The following HERC1 variants were observed in gnomAD, a reference collection of about 807,000 sequenced individuals.
HERC1 encodes the protein HECT and RLD domain containing E3 ubiquitin protein ligase family member 1, also known as probable E3 ubiquitin-protein ligase HERC1.
In HERC1, 160 loss-of-function variants were observed where a neutral mutation model predicts 554.3. The ratio of observed to expected loss-of-function variants is 0.29; its 90% CI spans 0.25 to 0.33. The LOEUF (loss-of-function observed/expected upper bound fraction) is 0.33. HERC1 is among the 10% of genes least tolerant of loss of function. HERC1 has a pLI of 1.00. For synonymous variants in HERC1, 2,175 were observed against 2,131.7 expected (o/e 1.02, Z -0.56); for missense variants, 4,919 against 5,918.5 (o/e 0.83, Z 5.54).
intron 45 of HERC1, 141 bp from the exon 46 acceptor site, chr15:63,661,166 C>T: frequency 1.6e-6 from 1 of 640,360 alleles, no homozygotes; most frequent in Middle Eastern, 3.3e-4. Context: ...TATAGGCTAA[C>T]ATAATAAAAA....
intron 25 of HERC1, 45 bp downstream of exon 25, chr15:63,706,735 G>A (rs564980912): frequency 5.0e-6 from 5 of 1,006,062 alleles, no homozygotes; most frequent in Non-Finnish European, 7.1e-6. Flanking sequence ...TTTTGAGACA[G>A]GGTCTCACTA....
At chr15:63,610,880 G>A (rs2067556637) in intron 77 of HERC1, among the ~76,000 whole-genome samples, 1 of 152,224 alleles carries the variant, frequency 6.6e-6, no homozygotes, top group East Asian at 1.9e-4. Flanking sequence ...GATGGAGACA[G>A]AGGGAGGAGA....
chr15:63,767,145 T>C (rs79410476), intron 2 of HERC1, among the ~76,000 whole-genome samples: 6,583 of 151,834 alleles, frequency 0.043, 262 homozygotes, highest in African/African-American at 0.11. Context: ...GGATTACAAG[T>C]GCACGCCACC....
At chr15:63,703,883 C>A (rs900765449) in intron 25 of HERC1, among the ~76,000 whole-genome samples, 1 of 150,716 alleles carries the variant, frequency 6.6e-6, no homozygotes, top group Non-Finnish European at 1.5e-5. Flanking sequence ...CACCACTGTA[C>A]TCCAGCCTGG....
intron 1 of HERC1, among the ~76,000 whole-genome samples, chr15:63,794,722 C>T (rs1217212136): frequency 2.6e-5 from 4 of 152,120 alleles, no homozygotes; most frequent in Admixed American, 2.6e-4. Flanking sequence ...ACTCTTTCAT[C>T]TTAGAACAGC....
chr15:63,683,851 GC>G (rs980965261), intron 34 of HERC1, among the ~76,000 whole-genome samples: 1 of 152,148 alleles, frequency 6.6e-6, no homozygotes, highest in Non-Finnish European at 1.5e-5. Context: ...AAAGCTGCTG[GC>G]TTGGAATCCT....
chr15:63,832,241 G>A (rs1019064314), intron 1 of HERC1, among the ~76,000 whole-genome samples: 1 of 152,098 alleles, frequency 6.6e-6, no homozygotes, highest in Non-Finnish European at 1.5e-5. Flanking sequence ...TCACTTCCAA[G>A]ATATATAAAT....
At chr15:63,634,083 A>G (rs1278510617) in intron 66 of HERC1, 113 bp from the exon 67 acceptor site, 24 of 1,173,210 alleles carry the variant, frequency 2.0e-5, no homozygotes, top group Non-Finnish European at 2.7e-5. Context: ...GTTTCCAAAT[A>G]TCTACAATGG....
Position 63,609,029 on chromosome 15 carries a change from C to G in HERC1, c.*52G>C. The G allele has an allele frequency of 2.6e-6, 4 of 1,511,858 alleles. No homozygotes were observed. The highest frequency in any genetic ancestry group is 3.6e-6 in the Non-Finnish European group (4 of 1,106,038). The allele number at this position is 1,511,858 out of a possible 1,614,324, so 93.7% of individuals were successfully genotyped here. A position where few individuals can be genotyped will look rare whatever the true frequency, so the allele number is the denominator to read the frequency against. ...CCATAAAAGTATATCAACATCAAAT[C>G]AGAAGTGAGCATTATTGAGGGAGAG... On this transcript the variant is annotated 3_prime_UTR_variant, in exon 78 of 78. Coordinates refer to ENST00000443617, the MANE Select transcript of HERC1 (RefSeq NM_003922.4).
chr15:63,760,643 T>C (rs866764417), intron 3 of HERC1, among the ~76,000 whole-genome samples: 1 of 151,764 alleles, frequency 6.6e-6, no homozygotes, highest in South Asian at 2.1e-4. Flanking sequence ...TTTTAGAAAT[T>C]AAAAAATTTA....
chr15:63,757,213 A>G (rs1244355628), intron 4 of HERC1, among the ~76,000 whole-genome samples: 1 of 151,832 alleles, frequency 6.6e-6, no homozygotes, highest in Non-Finnish European at 1.5e-5. Context: ...AAGTGATCAT[A>G]AGAAAATGAA....
chr15:63,645,422 GCAGATAA>G, intron 56 of HERC1, 54 bp downstream of exon 56: 1 of 1,238,866 alleles, frequency 8.1e-7, no homozygotes, highest in Non-Finnish European at 1.1e-6. Flanking sequence ...CACACTTAAT[GCAGATAA>G]CAGTCTATAC....
At chr15:63,730,082 G>C (rs1205097339) in intron 14 of HERC1, among the ~76,000 whole-genome samples, 1 of 139,192 alleles carries the variant, frequency 7.2e-6, no homozygotes, top group Admixed American at 7.4e-5. Flanking sequence ...CAATTTTTAA[G>C]TATTTGCTAT....
At chr15:63,744,270 C>T (rs1267816459) in intron 12 of HERC1, among the ~76,000 whole-genome samples, 2 of 151,982 alleles carry the variant, frequency 1.3e-5, no homozygotes, top group Non-Finnish European at 2.9e-5. Flanking sequence ...ACTATGACTG[C>T]ACTGGGTCAG....
chr15:63,822,599 T>A (rs9652430), intron 1 of HERC1, among the ~76,000 whole-genome samples: 121,063 of 150,770 alleles, frequency 0.8, 50,246 homozygotes, highest in Non-Finnish European at 0.87. Context: ...AAAAAAAAAA[T>A]TTTTAAATAA....
chr15:63,812,170 C>T (rs1366544184), intron 1 of HERC1, among the ~76,000 whole-genome samples: 1 of 152,136 alleles, frequency 6.6e-6, no homozygotes, highest in African/African-American at 2.4e-5. Flanking sequence ...AGCAAGATGA[C>T]AAGTTTACTT....
intron 1 of HERC1, among the ~76,000 whole-genome samples, chr15:63,776,054 G>A (rs994008595): frequency 7.4e-6 from 1 of 135,972 alleles, no homozygotes; most frequent in African/African-American, 2.6e-5. Context: ...AAAAAAAAAA[G>A]TTTATGTTAA....
rs894943047 is a variant in HERC1 at position 63,727,559 on chromosome 15, T to C, written c.3346+88A>G. ...ATTCCTTTGATAGCCTTAGGATAGA[T>C]AGACTCCAATGGAAAAACACAGTGA... On this transcript the variant is annotated intron_variant, in intron 17 of 77. Transcript: ENST00000443617. The surrounding 1 kb of genome is among the most constrained non-coding windows in gnomAD (Gnocchi z 4.3). 60 of 904,476 alleles carry C rather than the reference T, an allele frequency of 6.6e-5. No individual in the cohort carries two copies. The highest frequency in any genetic ancestry group is 9.8e-5 in the Non-Finnish European group (58 of 594,410). 56.0% of individuals were successfully genotyped at this position (904,476 alleles called of 1,614,324 possible).
At chr15:63,795,085 A>AC (rs1219128201) in intron 1 of HERC1, among the ~76,000 whole-genome samples, 3 of 151,362 alleles carry the variant, frequency 2.0e-5, no homozygotes, top group Non-Finnish European at 4.4e-5. Flanking sequence ...AAAAAAAAAA[A>AC]AAGTAAAGGA....
Sources: gnomAD v4.1 joint callset for allele counts (sites outside exome capture counted in the v4.1 genomes callset) on GRCh38, gnomAD v4.1.1 for gene constraint, Gnocchi (gnomAD v3.1) non-coding constraint, MANE v1.5 for transcripts, NCBI Gene and HGNC (gene_info 2026-07-23, HGNC 2026-07-21) for gene names.